The following MDFIC2 variants were observed in gnomAD, a reference collection of about 807,000 sequenced individuals.
MDFIC2 encodes the protein myoD family inhibitor domain-containing protein 2.
chr3:70,207,426 T>C (rs984903957), intron 2 of MDFIC2, among the ~76,000 whole-genome samples: 1 of 152,056 alleles, frequency 6.6e-6, no homozygotes, highest in Non-Finnish European at 1.5e-5. Context: ...CACATAACTG[T>C]CTGGCACAAT....
intron 2 of MDFIC2, among the ~76,000 whole-genome samples, chr3:70,254,214 A>C (rs1701794751): frequency 1.3e-5 from 2 of 152,208 alleles, no homozygotes; most frequent in Admixed American, 6.5e-5. Flanking sequence ...TGATTTTAAC[A>C]GCTGTGAAGT....
intron 2 of MDFIC2, among the ~76,000 whole-genome samples, chr3:70,235,593 C>T (rs1701599411): frequency 6.6e-6 from 1 of 152,174 alleles, no homozygotes; most frequent in Non-Finnish European, 1.5e-5. Flanking sequence ...CTGTCCTTGT[C>T]TTCTTTAATG....
intron 2 of MDFIC2, among the ~76,000 whole-genome samples, chr3:70,251,851 T>A (rs184932258): frequency 2.0e-5 from 3 of 152,288 alleles, no homozygotes; most frequent in Admixed American, 2.0e-4. Flanking sequence ...GACTCATAGA[T>A]AAGCAAGAAA....
intron 2 of MDFIC2, among the ~76,000 whole-genome samples, chr3:70,295,005 T>C (rs75119427): frequency 0.039 from 5,863 of 152,280 alleles, 161 homozygotes; most frequent in East Asian, 0.081. Context: ...GCAGATGGGT[T>C]CTCATGTCTC....
chr3:70,299,442 C>T lies in MDFIC2; in HGVS notation c.88+12444G>A, dbSNP rs529508243. On this transcript the variant is annotated intron_variant, in intron 2 of 3. Transcript: ENST00000567252. Reference sequence around the variant, plus strand: ...TCTAATTTTTCTAAAAAATAGATAACTTACGTAAAGCCACACAAAAGCACA... The same window carrying T: ...TCTAATTTTTCTAAAAAATAGATAATTTACGTAAAGCCACACAAAAGCACA... 7.9e-5 allele frequency among the ~76,000 whole-genome samples: 12 copies of T among 152,104 alleles called. No individual in the cohort carries two copies. The East Asian group carries it at 1.9e-3, about 24-fold the overall frequency.
chr3:70,303,821 A>G (rs974857153), intron 2 of MDFIC2, among the ~76,000 whole-genome samples: 8 of 152,068 alleles, frequency 5.3e-5, no homozygotes, highest in Non-Finnish European at 1.2e-4. Context: ...AGCTGGAATT[A>G]CAGGCATGTG....
intron 2 of MDFIC2, among the ~76,000 whole-genome samples, chr3:70,212,619 C>G (rs549493955): frequency 6.6e-5 from 10 of 152,194 alleles, no homozygotes; most frequent in African/African-American, 2.4e-4. Flanking sequence ...CAGTCATTGG[C>G]TCTGAATACA....
At chr3:70,309,603 T>C (rs1159012892) in intron 2 of MDFIC2, among the ~76,000 whole-genome samples, 1 of 152,190 alleles carries the variant, frequency 6.6e-6, no homozygotes, top group Admixed American at 6.5e-5. Flanking sequence ...CCTGCCTGAT[T>C]CCAAATGCCA....
At chr3:70,214,380 C>T (rs544688850) in intron 2 of MDFIC2, among the ~76,000 whole-genome samples, 7 of 152,062 alleles carry the variant, frequency 4.6e-5, no homozygotes, top group South Asian at 2.1e-4. Context: ...TCAAGGGCTA[C>T]GACAAGAGGA....
chr3:70,300,250 A>G (rs1310097309), intron 2 of MDFIC2, among the ~76,000 whole-genome samples: 3 of 152,188 alleles, frequency 2.0e-5, no homozygotes, highest in East Asian at 3.9e-4. Context: ...GCCCTTGAGT[A>G]AACAACAATC....
intron 2 of MDFIC2, among the ~76,000 whole-genome samples, chr3:70,234,334 A>C (rs910970463): frequency 6.6e-6 from 1 of 152,186 alleles, no homozygotes; most frequent in Non-Finnish European, 1.5e-5. Flanking sequence ...TTTGGGATAA[A>C]AAGCAAACAG....
chr3:70,281,289 A>C (rs1105032), intron 2 of MDFIC2, among the ~76,000 whole-genome samples: 41,207 of 152,000 alleles, frequency 0.27, 5,644 homozygotes, highest in South Asian at 0.32. Flanking sequence ...AATGCCCTAA[A>C]TTCTTGGTTA....
chr3:70,266,477 G>C (rs968375412), intron 2 of MDFIC2, among the ~76,000 whole-genome samples: 1 of 152,036 alleles, frequency 6.6e-6, no homozygotes, highest in East Asian at 1.9e-4. Flanking sequence ...CTGGAGAGTA[G>C]TGGCACAATC....
intron 3 of MDFIC2, among the ~76,000 whole-genome samples, chr3:70,197,800 A>T (rs1164889512): frequency 6.6e-6 from 1 of 152,122 alleles, no homozygotes; most frequent in Admixed American, 6.5e-5. Context: ...TAAAGCCTTG[A>T]TTTTATATTC....
intron 2 of MDFIC2, among the ~76,000 whole-genome samples, chr3:70,284,073 AACC>A (rs1405362588): frequency 1.3e-5 from 2 of 152,102 alleles, no homozygotes; most frequent in Non-Finnish European, 2.9e-5. Flanking sequence ...CTTGGTTTTA[AACC>A]TCAGTTGGAC....
chr3:70,291,441 C>T (rs1193404074), intron 2 of MDFIC2, among the ~76,000 whole-genome samples: 1 of 152,102 alleles, frequency 6.6e-6, no homozygotes, highest in African/African-American at 2.4e-5. Flanking sequence ...TATTAGCTAC[C>T]TTCTCCAGAT....
intron 2 of MDFIC2, among the ~76,000 whole-genome samples, chr3:70,252,415 A>C (rs1559545429): frequency 6.6e-6 from 1 of 152,170 alleles, no homozygotes; most frequent in Non-Finnish European, 1.5e-5. Context: ...GTCTTAACTG[A>C]GGACATAAAC....
rs116562610 is a variant in MDFIC2, at chr3:70,304,810, C to T, written c.88+7076G>A. ...CCCGTGGCTTCTAATTCCAAATAGG[C>T]GAAAAAAATATCCAGATTCCCAACT... On this transcript the variant is annotated intron_variant, in intron 2 of 3. Coordinates refer to ENST00000567252, the MANE Select transcript of MDFIC2 (RefSeq NM_001364677.1). Among the ~76,000 whole-genome samples, 1,469 of 152,146 alleles carry T rather than the reference C, an allele frequency of 9.7e-3. 9 individuals are homozygous for T. Among genetic ancestry groups the T allele is most frequent in the Non-Finnish European group, 0.016 (1,114 of 68,000 alleles).
intron 2 of MDFIC2, among the ~76,000 whole-genome samples, chr3:70,233,405 C>G (rs916723440): frequency 6.6e-6 from 1 of 152,158 alleles, no homozygotes; most frequent in African/African-American, 2.4e-5. Context: ...TATCTAATAT[C>G]TCATTTTAAA....
Sources: gnomAD v4.1 joint callset for allele counts (sites outside exome capture counted in the v4.1 genomes callset) on GRCh38, gnomAD v4.1.1 for gene constraint, MANE v1.5 for transcripts, NCBI Gene and HGNC (gene_info 2026-07-23, HGNC 2026-07-21) for gene names.